Variants in ZNF487 observed in about 807,000 individuals in gnomAD.
ZNF487 encodes the protein KRAB domain only 1.
Under a neutral mutation model 3.0 loss-of-function variants are expected in ZNF487, and 4 were observed. The ratio of observed to expected loss-of-function variants is 1.35; its 90% CI spans 0.66 to 3.08. The LOEUF is 3.08. Among genes scored for constraint, ZNF487 ranks in the 30% most tolerant of loss-of-function variants. The pLI is 0.01. For synonymous variants in ZNF487, 55 were observed against 34.6 expected, an observed-to-expected ratio of 1.59 and a Z score of -2.06; for missense variants, 146 against 98.7, an observed-to-expected ratio of 1.48 and a Z score of -2.03.
the ZNF487 span, among the ~76,000 whole-genome samples, chr10:43,502,658 C>T: frequency 0.89 from 135,933 of 152,274 alleles, 60,716 homozygotes; most frequent in East Asian, 1. Flanking sequence ...TTGATGATGA[C>T]AATAAATGCC....
At chr10:43,486,643 A>G (rs939948188), downstream of ZNF487, among the ~76,000 whole-genome samples, 7 of 152,192 alleles carry the variant, frequency 4.6e-5, no homozygotes, top group Admixed American at 3.9e-4. Flanking sequence ...TCAAAGTGGA[A>G]CTTGTACCCG....
At chr10:43,440,301 C>T (rs1056794940) in intron 1 of ZNF487, among the ~76,000 whole-genome samples, 10 of 151,858 alleles carry the variant, frequency 6.6e-5, no homozygotes, top group Middle Eastern at 3.4e-3. Flanking sequence ...ACGCCCGCCT[C>T]GGCCTCCCAA....
In ZNF487 at chr10:43,475,781, G is replaced by GA. The variant is rs776065260; in HGVS notation, c.-32dup. On this transcript the variant is annotated 5_prime_UTR_variant, in exon 2 of 4. Transcript: ENST00000437590. ...CACCCAGGAGGAGTGGCAGCATCTGGACTCTGCTCAGAGGACCCCGTACAG... is the reference window on the plus strand; with the variant it reads ...CACCCAGGAGGAGTGGCAGCATCTGGAACTCTGCTCAGAGGACCCCGTACAG... The GA allele has an allele frequency of 3.8e-6, 3 of 780,946 alleles. No individual in the cohort carries two copies. In the South Asian group the frequency reaches 4.0e-5, roughly 10 times the overall value. The allele number at this position is 780,946 out of a possible 1,614,324, so 48.4% of individuals were successfully genotyped here.
intron 3 of ZNF487, among the ~76,000 whole-genome samples, chr10:43,477,976 G>T (rs1841166572): frequency 6.6e-6 from 1 of 151,684 alleles, no homozygotes; most frequent in Non-Finnish European, 1.5e-5. Context: ...AAATGAAAAA[G>T]TGGGGAAAGG....
the ZNF487 span, among the ~76,000 whole-genome samples, chr10:43,497,188 T>C: frequency 1.3e-5 from 2 of 152,202 alleles, no homozygotes; most frequent in Non-Finnish European, 2.9e-5. Context: ...TTTTTATTAA[T>C]TTACATGCCA....
chr10:43,500,127 G>A, the ZNF487 span, among the ~76,000 whole-genome samples: 5 of 151,836 alleles, frequency 3.3e-5, no homozygotes, highest in Non-Finnish European at 4.4e-5. Flanking sequence ...CGCCTGCCTC[G>A]GCCTCCCAAA....
At chr10:43,507,507 C>T in the ZNF487 span, among the ~76,000 whole-genome samples, 1 of 152,204 alleles carries the variant, frequency 6.6e-6, no homozygotes, top group Non-Finnish European at 1.5e-5. Context: ...AGGTGCAAAT[C>T]TGTTGTAGCC....
rs138089166 is a variant in ZNF487 at position 43,438,804 on chromosome 10, G to T, written c.-94+1542G>T. On this transcript the variant is annotated intron_variant, in intron 1 of 3. Coordinates refer to ENST00000437590, the MANE Select transcript of ZNF487 (RefSeq NM_001355444.3). ...AGCCTTAGGAAGAAAATCTTGGCTG[G>T]ATGCAGCGGCTCATGCTGGTAATCC... Among the ~76,000 whole-genome samples, 148 of 152,286 alleles carry T rather than the reference G, an allele frequency of 9.7e-4. 1 individual carries two copies. The highest frequency in any genetic ancestry group is 3.3e-3 in the African/African-American group (138 of 41,562).
chr10:43,461,334 T>C (rs1211983761), intron 1 of ZNF487, among the ~76,000 whole-genome samples: 7 of 112,044 alleles, frequency 6.2e-5, no homozygotes. Context: ...TTTTTTTTTT[T>C]GAGACAAGGT....
the ZNF487 span, among the ~76,000 whole-genome samples, chr10:43,517,396 G>T: frequency 6.6e-6 from 1 of 152,188 alleles, no homozygotes; most frequent in Admixed American, 6.5e-5. Context: ...CACCTTGGAT[G>T]GATTCCCTTC....
rs375601950 is a variant in ZNF487 at position 43,475,829 on chromosome 10, A to G, written c.16A>G (p.Ser6Gly). Residue 6 changes from serine to glycine, a missense_variant, in exon 2 of 4, where the codon AGC becomes GGC. Transcript: ENST00000437590. MLENYSLLLSVGYCIT... is the reference protein window; with the variant it reads MLENYGLLLSVGYCIT... The stretch of plus-strand genomic sequence containing the variant: ...CAGAGACATGATGCTGGAGAACTAC[A>G]GCCTCCTCCTCTCAGTGGGTAAGGA... 3.9e-6 allele frequency: 3 copies of G among 779,140 alleles called. No homozygotes were observed. Among genetic ancestry groups the G allele is most frequent in the African/African-American group, 3.4e-5 (2 of 59,092 alleles). 48.3% of individuals were successfully genotyped at this position (779,140 alleles called of 1,614,324 possible).
At chr10:43,474,516 G>T (rs1841023691) in intron 1 of ZNF487, among the ~76,000 whole-genome samples, 1 of 152,120 alleles carries the variant, frequency 6.6e-6, no homozygotes, top group Non-Finnish European at 1.5e-5. Flanking sequence ...AGTGTGCAAT[G>T]ATCATGCCTG....
intron 1 of ZNF487, among the ~76,000 whole-genome samples, chr10:43,468,712 C>T (rs12779063): frequency 0.66 from 87,860 of 133,900 alleles, 30,134 homozygotes; most frequent in Non-Finnish European, 0.76. Context: ...AAAGGCCGGG[C>T]GCAGTGGCTC....
chr10:43,437,344 G>C (rs989762057), intron 1 of ZNF487, 82 bp downstream of exon 1: 3 of 169,574 alleles, frequency 1.8e-5, no homozygotes, highest in Non-Finnish European at 3.9e-5. Flanking sequence ...GGGCCCGCTG[G>C]GGGTGGGGAC....
In ZNF487 at chr10:43,482,804, G is replaced by C; in HGVS notation, c.*882G>C. ...TGAAGTCAAAACTTAGAGAACATCA[G>C]AGAATTCACACAGGGGAGAAACCCT... is the stretch of plus-strand genomic sequence containing the variant. On this transcript the variant is annotated 3_prime_UTR_variant, in exon 4 of 4. Coordinates refer to ENST00000437590, the MANE Select transcript of ZNF487 (RefSeq NM_001355444.3). The C allele has an allele frequency of 2.0e-6, 1 of 510,912 alleles. No individual in the cohort carries two copies. Among genetic ancestry groups the C allele is most frequent in the Admixed American group, 2.1e-5 (1 of 46,948 alleles). 31.6% of individuals were successfully genotyped at this position (510,912 alleles called of 1,614,324 possible). A position where few individuals can be genotyped will look rare whatever the true frequency, so the allele number is the denominator to read the frequency against.
At chr10:43,465,356 T>C (rs1343310908) in intron 1 of ZNF487, among the ~76,000 whole-genome samples, 3 of 143,280 alleles carry the variant, frequency 2.1e-5, no homozygotes, top group East Asian at 2.2e-4. Context: ...CCAGACGGGG[T>C]GGCTGCCGGG....
intron 1 of ZNF487, among the ~76,000 whole-genome samples, chr10:43,461,952 C>T (rs560618464): frequency 6.6e-6 from 1 of 152,254 alleles, no homozygotes; most frequent in East Asian, 1.9e-4. Context: ...GTTCACATAA[C>T]CCCATTCAGA....
chr10:43,515,768 T>C, the ZNF487 span, among the ~76,000 whole-genome samples: 1 of 152,066 alleles, frequency 6.6e-6, no homozygotes, highest in East Asian at 1.9e-4. Context: ...GGAGAGAGAA[T>C]CCCTGAGTTC....
chr10:43,449,327 T>C (rs1839924974), intron 1 of ZNF487, among the ~76,000 whole-genome samples: 1 of 151,952 alleles, frequency 6.6e-6, no homozygotes, highest in African/African-American at 2.4e-5. Flanking sequence ...GTATATCTAA[T>C]GGTACTGAAA....
Sources: gnomAD v4.1 joint callset for allele counts (sites outside exome capture counted in the v4.1 genomes callset) on GRCh38, gnomAD v4.1.1 for gene constraint, MANE v1.5 for transcripts, NCBI Gene and HGNC (gene_info 2026-07-23, HGNC 2026-07-21) for gene names.